The following FGF14 variants were observed in gnomAD, a reference collection of about 807,000 sequenced individuals.
The protein encoded by FGF14 is fibroblast growth factor 14.
A neutral mutation model predicts 25.5 loss-of-function variants in FGF14; 5 were observed. The observed-to-expected ratio is 0.20, with a 90% CI of 0.10 to 0.41. The LOEUF (loss-of-function observed/expected upper bound fraction) is 0.41. FGF14 is among the 10% of genes least tolerant of loss of function. The pLI is 1.00. For synonymous variants in FGF14, 138 were observed against 118.3 expected (o/e 1.17, Z -1.08); for missense variants, 222 against 320.1 (o/e 0.69, Z 2.34).
chr13:102,027,745 T>C (rs932325962), intron 1 of FGF14, among the ~76,000 whole-genome samples: 4 of 152,028 alleles, frequency 2.6e-5, no homozygotes. Context: ...ATTGTTGGAA[T>C]CTGGACGTGG....
intron 1 of FGF14, among the ~76,000 whole-genome samples, chr13:102,237,968 T>C (rs1050659815): frequency 2.6e-5 from 4 of 152,204 alleles, no homozygotes; most frequent in African/African-American, 9.6e-5. Context: ...GTCATGTTTT[T>C]AAGATCTACT....
chr13:102,192,167 T>C (rs1467143412), intron 1 of FGF14, among the ~76,000 whole-genome samples: 2 of 152,206 alleles, frequency 1.3e-5, no homozygotes, highest in African/African-American at 4.8e-5. Flanking sequence ...GACCTGATGA[T>C]CTCTGAATTG....
chr13:102,368,304 T>C (rs899173586), intron 1 of FGF14, among the ~76,000 whole-genome samples: 3 of 152,240 alleles, frequency 2.0e-5, no homozygotes, highest in Admixed American at 2.0e-4. Flanking sequence ...AATATGTCAG[T>C]TTCTGTTCAC....
At chr13:101,833,000 C>T (rs1187008706) in intron 3 of FGF14, among the ~76,000 whole-genome samples, 1 of 152,048 alleles carries the variant, frequency 6.6e-6, no homozygotes, top group Non-Finnish European at 1.5e-5. Flanking sequence ...TCTTTGACAT[C>T]ACACCAGAAA....
chr13:101,985,296 A>G (rs1047185223), intron 1 of FGF14, among the ~76,000 whole-genome samples: 3 of 152,104 alleles, frequency 2.0e-5, no homozygotes, highest in African/African-American at 7.2e-5. Context: ...CTGAATTTCC[A>G]TATGTGTATG....
chr13:102,114,502 T>C (rs2045374576), intron 1 of FGF14, among the ~76,000 whole-genome samples: 1 of 152,206 alleles, frequency 6.6e-6, no homozygotes, highest in Non-Finnish European at 1.5e-5. Flanking sequence ...GGAAGAGATA[T>C]CTGCATTGTT....
chr13:102,068,154 C>T lies in FGF14; in HGVS notation c.209-192858G>A, dbSNP rs141754935. ...TCTCAGACCTGTCCTATAAGAAATG[C>T]TAAAGGTAGTTCTTCAATCCAAAAG... On this transcript the variant is annotated intron_variant, in intron 1 of 4. Coordinates refer to the FGF14 transcript ENST00000376131. 3.4e-3 allele frequency among the ~76,000 whole-genome samples: 517 copies of T among 152,302 alleles called. 2 individuals carry two copies. Among genetic ancestry groups the T allele is most frequent in the African/African-American group, 0.012 (494 of 41,562 alleles).
At chr13:101,994,504 C>T (rs934170939) in intron 1 of FGF14, among the ~76,000 whole-genome samples, 2 of 151,892 alleles carry the variant, frequency 1.3e-5, no homozygotes, top group Non-Finnish European at 2.9e-5. Flanking sequence ...GTGTGTAATG[C>T]TGTTACTTAT....
At chr13:102,161,794 A>G (rs1432904340) in intron 1 of FGF14, among the ~76,000 whole-genome samples, 1 of 151,532 alleles carries the variant, frequency 6.6e-6, no homozygotes, top group Non-Finnish European at 1.5e-5. Context: ...TTAATTCATC[A>G]TTGCGTTCCC....
chr13:101,972,308 T>G (rs2037647361), intron 1 of FGF14, among the ~76,000 whole-genome samples: 1 of 152,214 alleles, frequency 6.6e-6, no homozygotes, highest in African/African-American at 2.4e-5. Flanking sequence ...AGTGAATGAC[T>G]ACCTGACTCA....
chr13:101,903,438 T>C (rs537071320), intron 1 of FGF14, among the ~76,000 whole-genome samples: 1 of 152,198 alleles, frequency 6.6e-6, no homozygotes, highest in East Asian at 1.9e-4. Flanking sequence ...TAGAAGAAAA[T>C]AATGAGACTT....
intron 1 of FGF14, among the ~76,000 whole-genome samples, chr13:102,082,730 G>A (rs1013641474): frequency 4.6e-5 from 7 of 152,036 alleles, no homozygotes; most frequent in African/African-American, 1.4e-4. Flanking sequence ...CGAGGCGGGC[G>A]GATCACGAGG....
Position 102,344,822 on chromosome 13 carries a change from T to C in FGF14, c.208+56649A>G, listed in dbSNP as rs567011955. Among the ~76,000 whole-genome samples the C allele has an allele frequency of 5.3e-5, 8 of 152,350 alleles. No homozygotes were observed. In the South Asian group the frequency reaches 1.0e-3, roughly 20 times the overall value. ...AAAGAAAGGTGCAAAGAGCATTTTATATAGATGAATCTACGTGGCCTAAAA... is the reference window on the plus strand; with the variant it reads ...AAAGAAAGGTGCAAAGAGCATTTTACATAGATGAATCTACGTGGCCTAAAA... On this transcript the variant is annotated intron_variant, in intron 1 of 4. Coordinates refer to the FGF14 transcript ENST00000376131.
chr13:101,880,387 G>A (rs989867331), intron 1 of FGF14, among the ~76,000 whole-genome samples: 1 of 152,072 alleles, frequency 6.6e-6, no homozygotes, highest in Non-Finnish European at 1.5e-5. Flanking sequence ...GACCAACATG[G>A]AGAAACCCCA....
chr13:102,252,179 G>A lies in FGF14; in HGVS notation c.208+149292C>T, dbSNP rs115793223. On this transcript the variant is annotated intron_variant, in intron 1 of 4. Coordinates refer to the FGF14 transcript ENST00000376131. ...CACTTGCGAAATGTAGGTTGCATGG[G>A]AAGAACTGGAGCAGGACACATCCTA... Among the ~76,000 whole-genome samples the A allele has an allele frequency of 8.2e-3, 1,243 of 152,298 alleles. 15 individuals carry two copies. The highest frequency in any genetic ancestry group is 0.028 in the African/African-American group (1,153 of 41,572).
chr13:102,350,881 A>G lies in FGF14; in HGVS notation c.208+50590T>C, dbSNP rs1367020444. ...CTTTCTACATAAGCGTGGTCACTGG[A>G]CACGGCCTCCCTCTCACCAAACTCC... On this transcript the variant is annotated intron_variant, in intron 1 of 4. Coordinates refer to the FGF14 transcript ENST00000376131. 2.6e-5 allele frequency among the ~76,000 whole-genome samples: 4 copies of G among 152,300 alleles called. No homozygotes were observed. In the East Asian group the frequency reaches 5.8e-4, roughly 22 times the overall value.
intron 1 of FGF14, among the ~76,000 whole-genome samples, chr13:102,270,647 A>G (rs1012258690): frequency 2.0e-5 from 3 of 152,198 alleles, no homozygotes; most frequent in Non-Finnish European, 4.4e-5. Flanking sequence ...AAGTGAGCAT[A>G]AATATATAGA....
At chr13:102,292,142 C>A (rs2054439884) in intron 1 of FGF14, among the ~76,000 whole-genome samples, 1 of 151,976 alleles carries the variant, frequency 6.6e-6, no homozygotes, top group Admixed American at 6.6e-5. Flanking sequence ...CATTATTTAA[C>A]ATAAACCAGG....
chr13:101,721,648 A>ATATT lies in FGF14; in HGVS notation c.*1179_*1182dup, dbSNP rs1555369513. The ATATT allele has an allele frequency of 5.3e-5, 8 of 152,040 alleles. No homozygotes were observed. Among genetic ancestry groups the ATATT allele is most frequent in the African/African-American group, 9.7e-5 (4 of 41,360 alleles). The allele number at this position is 152,040 out of a possible 1,614,324, so 9.4% of individuals were successfully genotyped here. A position where few individuals can be genotyped will look rare whatever the true frequency, so the allele number is the denominator to read the frequency against. On this transcript the variant is annotated 3_prime_UTR_variant, in exon 5 of 5. Transcript: ENST00000376143. ...AAAAACTTGTCATTAAACACCAAAA[A>ATATT]TATTAAAGTCTAATTAATTTATAAC...
Sources: gnomAD v4.1 joint callset for allele counts (sites outside exome capture counted in the v4.1 genomes callset) on GRCh38, gnomAD v4.1.1 for gene constraint, MANE v1.5 for transcripts, NCBI Gene and HGNC (gene_info 2026-07-23, HGNC 2026-07-21) for gene names.